Variants in KCNIP4 observed in about 807,000 individuals in gnomAD.
The protein encoded by KCNIP4 is Kv channel-interacting protein 4.
A neutral mutation model predicts 34.0 loss-of-function variants in KCNIP4; 12 were observed. The observed-to-expected ratio is 0.35, with a 90% CI of 0.23 to 0.57. The LOEUF is 0.57. KCNIP4 is among the 20% of genes least tolerant of loss of function. KCNIP4 has a pLI of 0.83. For synonymous variants in KCNIP4, 124 were observed against 102.2 expected (o/e 1.21, Z -1.29); for missense variants, 238 against 311.7 (o/e 0.76, Z 1.78).
chr4:21,311,908 T>C (rs1322311019), intron 1 of KCNIP4, among the ~76,000 whole-genome samples: 3 of 152,108 alleles, frequency 2.0e-5, no homozygotes, highest in Admixed American at 6.5e-5. Flanking sequence ...AAGGGCATAT[T>C]TGACTGCTTC....
At chr4:21,594,382 T>C (rs1742458190) in intron 1 of KCNIP4, among the ~76,000 whole-genome samples, 1 of 152,184 alleles carries the variant, frequency 6.6e-6, no homozygotes, top group African/African-American at 2.4e-5. Flanking sequence ...ATAATAGTTA[T>C]GACCAAAGGT....
chr4:21,372,353 A>AATAGATAGATAG (rs140861893), intron 1 of KCNIP4, among the ~76,000 whole-genome samples: 16,759 of 138,912 alleles, frequency 0.12, 1,689 homozygotes, highest in East Asian at 0.15. Flanking sequence ...CAGTTTGGTG[A>AATAGATAGATAG]ATAGATAGAT....
intron 1 of KCNIP4, among the ~76,000 whole-genome samples, chr4:21,421,834 C>A (rs780158881): frequency 6.6e-6 from 1 of 152,130 alleles, no homozygotes; most frequent in Non-Finnish European, 1.5e-5. Flanking sequence ...AAAGTGTATA[C>A]ATATATCAAA....
chr4:21,370,529 TATG>T (rs1720235414), intron 1 of KCNIP4, among the ~76,000 whole-genome samples: 1 of 144,542 alleles, frequency 6.9e-6, no homozygotes, highest in Non-Finnish European at 1.5e-5. Context: ...TATAAAAACC[TATG>T]TTCTAAGTGC....
chr4:21,181,362 C>T lies in KCNIP4; in HGVS notation c.62-298653G>A, dbSNP rs367879226. 3.3e-5 allele frequency among the ~76,000 whole-genome samples: 5 copies of T among 152,054 alleles called. No individual in the cohort carries two copies. The South Asian group carries it at 6.2e-4, about 19-fold the overall frequency. On this transcript the variant is annotated intron_variant, in intron 1 of 8. Coordinates refer to ENST00000382152, the MANE Select transcript of KCNIP4 (RefSeq NM_025221.6). Reference sequence around the variant, plus strand: ...CATTCTCTAGACATTAAAGCTGCAGCTTCTCTTAAGGCTGATTCTCAGTGA... The same window carrying T: ...CATTCTCTAGACATTAAAGCTGCAGTTTCTCTTAAGGCTGATTCTCAGTGA...
chr4:21,366,818 G>A (rs1719819902), intron 1 of KCNIP4, among the ~76,000 whole-genome samples: 1 of 151,844 alleles, frequency 6.6e-6, no homozygotes, highest in African/African-American at 2.4e-5. Flanking sequence ...GGGGAGGGAG[G>A]GAGAGAGGTA....
chr4:21,200,617 G>A (rs1489916747), intron 1 of KCNIP4, among the ~76,000 whole-genome samples: 1 of 151,684 alleles, frequency 6.6e-6, no homozygotes, highest in East Asian at 1.9e-4. Flanking sequence ...TGGTATAATG[G>A]AAATGGGAGA....
chr4:21,464,561 T>C (rs1031305497), intron 1 of KCNIP4: 5 of 152,152 alleles, frequency 3.3e-5, no homozygotes, highest in African/African-American at 9.7e-5. Context: ...CCATACTTTG[T>C]ATAATTTTTT....
At chr4:20,942,735 G>A (rs774359532) in intron 1 of KCNIP4, among the ~76,000 whole-genome samples, 3 of 151,912 alleles carry the variant, frequency 2.0e-5, no homozygotes, top group South Asian at 2.1e-4. Flanking sequence ...CCAATGGCAC[G>A]ATCTTGGCTC....
At chr4:21,002,548 T>C (rs1394413939) in intron 1 of KCNIP4, among the ~76,000 whole-genome samples, 2 of 152,184 alleles carry the variant, frequency 1.3e-5, no homozygotes, top group African/African-American at 4.8e-5. Flanking sequence ...AACTGAGAAC[T>C]CTTCCTGGCC....
intron 1 of KCNIP4, among the ~76,000 whole-genome samples, chr4:21,326,590 AGTC>A (rs1027225233): frequency 3.3e-5 from 5 of 150,800 alleles, no homozygotes; most frequent in Non-Finnish European, 7.4e-5. Context: ...TTTTTAATTC[AGTC>A]GTCTACTCTG....
At chr4:21,094,149 G>T (rs778676373) in intron 1 of KCNIP4, among the ~76,000 whole-genome samples, 7 of 151,658 alleles carry the variant, frequency 4.6e-5, no homozygotes, top group Non-Finnish European at 7.4e-5. Context: ...CATTGTAAAA[G>T]AAATTCCAAA....
chr4:21,664,414 C>CA (rs200113468), intron 1 of KCNIP4, among the ~76,000 whole-genome samples: 5,427 of 138,278 alleles, frequency 0.039, 308 homozygotes, highest in African/African-American at 0.12. Flanking sequence ...TAAACAGAGA[C>CA]AAAAAAAAAA....
intron 2 of KCNIP4, among the ~76,000 whole-genome samples, chr4:20,851,495 T>C (rs1417304032): frequency 6.6e-6 from 1 of 152,212 alleles, no homozygotes; most frequent in East Asian, 1.9e-4. Flanking sequence ...AATGAACATA[T>C]GCAGGCATGT....
At chr4:21,034,147 AAAAG>A (rs1402970722) in intron 1 of KCNIP4, among the ~76,000 whole-genome samples, 1 of 152,204 alleles carries the variant, frequency 6.6e-6, no homozygotes, top group South Asian at 2.1e-4. Flanking sequence ...GGCAGAGGAG[AAAAG>A]AAAGAAATTT....
intron 1 of KCNIP4, among the ~76,000 whole-genome samples, chr4:21,211,527 T>C (rs574891357): frequency 7.3e-4 from 111 of 152,200 alleles, no homozygotes; most frequent in African/African-American, 2.6e-3. Flanking sequence ...ATCTCTGAAG[T>C]GGAACAGTTT....
intron 1 of KCNIP4, among the ~76,000 whole-genome samples, chr4:21,708,028 A>T (rs1713428680): frequency 6.6e-6 from 1 of 151,474 alleles, no homozygotes; most frequent in African/African-American, 2.4e-5. Flanking sequence ...TCTTTTTCCC[A>T]CTCTTTGGTG....
At chr4:21,736,296 A>C (rs1715987103) in intron 1 of KCNIP4, among the ~76,000 whole-genome samples, 1 of 152,128 alleles carries the variant, frequency 6.6e-6, no homozygotes, top group Admixed American at 6.6e-5. Context: ...CACTAGAACC[A>C]CTATACTAGC....
At chr4:21,756,552 CAAAAAAA>C (rs71191600) in intron 1 of KCNIP4, among the ~76,000 whole-genome samples, 1 of 124,962 alleles carries the variant, frequency 8.0e-6, no homozygotes, top group African/African-American at 2.9e-5. Context: ...GACTCTGTCT[CAAAAAAA>C]AAAAAAAAAA....
Sources: gnomAD v4.1 joint callset for allele counts (sites outside exome capture counted in the v4.1 genomes callset) on GRCh38, gnomAD v4.1.1 for gene constraint, MANE v1.5 for transcripts, NCBI Gene and HGNC (gene_info 2026-07-23, HGNC 2026-07-21) for gene names.